ARHGAP20: variants seen among roughly 807,000 people sequenced by gnomAD.
ARHGAP20 encodes rho GTPase-activating protein 20.
A neutral mutation model predicts 73.7 loss-of-function variants in ARHGAP20; 34 were observed. The observed-to-expected ratio is 0.46, with a 90% CI of 0.35 to 0.61. The LOEUF is 0.61. Ranked by LOEUF, ARHGAP20 falls within the 20% of genes least tolerant of loss-of-function variation. The probability of loss-of-function intolerance (pLI) is 0.00; values close to 1 mark genes in which losing one functional copy is unlikely to be tolerated. For missense variants in ARHGAP20, 1,314 were observed against 1,420.9 expected, an observed-to-expected ratio of 0.92 and a Z score of 1.21; for synonymous variants, 523 against 518.2, an observed-to-expected ratio of 1.01 and a Z score of -0.13.
intron 2 of ARHGAP20, among the ~76,000 whole-genome samples, chr11:110,632,620 G>C (rs182633685): frequency 7.4e-4 from 113 of 152,248 alleles, no homozygotes; most frequent in Non-Finnish European, 1.4e-3. Flanking sequence ...GGCCATGCTG[G>C]TCTCGAACTC....
intron 1 of ARHGAP20, among the ~76,000 whole-genome samples, chr11:110,703,156 A>T (rs935052213): frequency 6.6e-6 from 1 of 152,072 alleles, no homozygotes; most frequent in Non-Finnish European, 1.5e-5. Flanking sequence ...TTTACCCATA[A>T]ATCATCCCAA....
chr11:110,587,881 C>T (rs910819386), intron 11 of ARHGAP20, among the ~76,000 whole-genome samples: 9 of 152,124 alleles, frequency 5.9e-5, no homozygotes, highest in African/African-American at 2.2e-4. Flanking sequence ...TATATCATTA[C>T]AAAAGTTACC....
intron 2 of ARHGAP20, among the ~76,000 whole-genome samples, chr11:110,687,574 G>A (rs138264200): frequency 0.011 from 1,735 of 152,122 alleles, 12 homozygotes; most frequent in Non-Finnish European, 0.018. Flanking sequence ...ATTTTCCCTA[G>A]CATGGCACTT....
At chr11:110,652,847 G>A (rs113644867) in intron 2 of ARHGAP20, among the ~76,000 whole-genome samples, 38 of 152,150 alleles carry the variant, frequency 2.5e-4, no homozygotes, top group African/African-American at 8.7e-4. Context: ...AACCAAAACA[G>A]TATGGTACTG....
intron 6 of ARHGAP20, among the ~76,000 whole-genome samples, chr11:110,612,483 T>C (rs1246837828): frequency 1.3e-5 from 2 of 151,788 alleles, no homozygotes; most frequent in African/African-American, 2.4e-5. Flanking sequence ...GATTCTGAGA[T>C]ATCTATAGAG....
intron 1 of ARHGAP20, chr11:110,691,067 GAAAAA>G: frequency 7.4e-7 from 1 of 1,353,664 alleles, no homozygotes; most frequent in Middle Eastern, 1.8e-4. Flanking sequence ...TAAAGGAGAG[GAAAAA>G]ACAGTTAAAG....
chr11:110,661,998 C>A (rs1341715432), intron 2 of ARHGAP20, among the ~76,000 whole-genome samples: 3 of 151,742 alleles, frequency 2.0e-5, no homozygotes, highest in Non-Finnish European at 2.9e-5. Context: ...CCATGGCATA[C>A]GTAAGCAATG....
chr11:110,712,098 G>C (rs1295230094), intron 1 of ARHGAP20, 29 bp downstream of exon 1: 2 of 1,281,052 alleles, frequency 1.6e-6, no homozygotes, highest in Admixed American at 4.0e-5. Context: ...CGGCGGCGGA[G>C]GGCACGGGCC....
intron 1 of ARHGAP20, among the ~76,000 whole-genome samples, chr11:110,691,212 T>C (rs937176781): frequency 6.6e-6 from 1 of 152,144 alleles, no homozygotes; most frequent in African/African-American, 2.4e-5. Flanking sequence ...TATATAAATA[T>C]AAGACGGTGG....
At chr11:110,627,211 C>T (rs563530887) in intron 3 of ARHGAP20, among the ~76,000 whole-genome samples, 184 of 152,202 alleles carry the variant, frequency 1.2e-3, no homozygotes, top group Non-Finnish European at 2.0e-3. Context: ...GCCTCAGCCT[C>T]CTGAGTAGCT....
chr11:110,626,786 T>C (rs1193327441), intron 3 of ARHGAP20, among the ~76,000 whole-genome samples: 1 of 152,108 alleles, frequency 6.6e-6, no homozygotes, highest in Admixed American at 6.6e-5. Context: ...GTGGCTATTA[T>C]GGAGGCTGAG....
chr11:110,642,608 A>G (rs1349909178), intron 2 of ARHGAP20, among the ~76,000 whole-genome samples: 1 of 152,126 alleles, frequency 6.6e-6, no homozygotes, highest in Non-Finnish European at 1.5e-5. Context: ...TGTATGCTGA[A>G]CCAACCTTGC....
At chr11:110,661,799 A>G (rs569459096) in intron 2 of ARHGAP20, among the ~76,000 whole-genome samples, 2 of 152,258 alleles carry the variant, frequency 1.3e-5, no homozygotes, top group East Asian at 3.9e-4. Context: ...CACTAGCAAG[A>G]ATGGGAATGG....
rs538744564 is a variant in ARHGAP20, at chr11:110,584,013, CTGAAA to C, written c.1416-281_1416-277del. On this transcript the variant is annotated intron_variant, in intron 12 of 14. Transcript: ENST00000683387. ...AATATTTCATTAAAAAAAATGCTGCCTGAAATATTTCCCTGAAACTAGCATAATGC... is the reference window on the plus strand; with the variant it reads ...AATATTTCATTAAAAAAAATGCTGCCTATTTCCCTGAAACTAGCATAATGC... 8.5e-5 allele frequency among the ~76,000 whole-genome samples: 13 copies of C among 152,152 alleles called. No individual in the cohort carries two copies. The South Asian group carries it at 1.2e-3, about 15-fold the overall frequency.
At chr11:110,634,821 A>G (rs368390804) in intron 2 of ARHGAP20, among the ~76,000 whole-genome samples, 4 of 152,284 alleles carry the variant, frequency 2.6e-5, no homozygotes, top group Admixed American at 2.0e-4. Flanking sequence ...GAACACTCCA[A>G]TCCTAAAATA....
intron 2 of ARHGAP20, among the ~76,000 whole-genome samples, chr11:110,680,731 T>C (rs1409854278): frequency 6.6e-6 from 1 of 152,182 alleles, no homozygotes; most frequent in Non-Finnish European, 1.5e-5. Context: ...TTTAATCTCC[T>C]AAAGATTTCC....
In ARHGAP20 at chr11:110,581,197, G is replaced by A. The variant is rs1947458084; in HGVS notation, c.1749C>T (p.Ser583=). 2.5e-6 allele frequency: 4 copies of A among 1,610,610 alleles called. No individual in the cohort carries two copies. Among genetic ancestry groups the A allele is most frequent in the African/African-American group, 1.3e-5 (1 of 74,720 alleles). The part of the protein sequence containing the change: ...SDISCFQLND[S]SYDSLENELN... The stretch of plus-strand genomic sequence containing the variant: ...GCTCATTTTCCAAGCTGTCATAGGA[G>A]GAGTCATTCAGTTGAAAGCAAGAAA... Residue 583 remains serine (S), a synonymous_variant, in exon 15 of 15, where the codon TCC becomes TCT. Coordinates refer to ENST00000683387, the MANE Select transcript of ARHGAP20 (RefSeq NM_001384657.1).
intron 4 of ARHGAP20, among the ~76,000 whole-genome samples, chr11:110,616,027 C>T (rs529399492): frequency 8.3e-4 from 127 of 152,148 alleles, no homozygotes; most frequent in South Asian, 1.9e-3. Flanking sequence ...TTAGTATTTT[C>T]GTAGCTCACA....
intron 1 of ARHGAP20, 101 bp from the exon 2 acceptor site, chr11:110,690,730 C>G (rs1328005256): frequency 8.7e-7 from 1 of 1,149,688 alleles, no homozygotes; most frequent in African/African-American, 1.5e-5. Context: ...CATTGCCTAT[C>G]TTTGTCTGTC....
Sources: allele counts gnomAD v4.1 joint callset (sites outside exome capture counted in the v4.1 genomes callset), GRCh38; gene constraint gnomAD v4.1.1; transcripts MANE v1.5; gene names NCBI Gene and HGNC (gene_info 2026-07-23, HGNC 2026-07-21).